The following ADORA2B variants were observed in gnomAD, a reference collection of about 807,000 sequenced individuals.
The protein encoded by ADORA2B is adenosine receptor A2b.
A neutral mutation model predicts 20.8 loss-of-function variants in ADORA2B; 18 were observed. The observed-to-expected ratio is 0.87, with a 90% confidence interval of 0.60 to 1.29. ADORA2B has a LOEUF of 1.29. ADORA2B is among the 50% of genes most tolerant of loss of function. The probability of loss-of-function intolerance (pLI) is 0.00; values close to 1 mark genes in which losing one functional copy is unlikely to be tolerated. For synonymous variants in ADORA2B, 179 were observed against 178.3 expected (o/e 1.00, Z -0.03); for missense variants, 441 against 422.7 (o/e 1.04, Z -0.38).
the ADORA2B span, among the ~76,000 whole-genome samples, chr17:15,876,648 C>G: frequency 6.6e-6 from 1 of 151,614 alleles, no homozygotes; most frequent in African/African-American, 2.4e-5. Flanking sequence ...GTTTTGTTTT[C>G]TGGGATTAAA....
chr17:15,940,293 C>T (rs545043122), upstream of ADORA2B, among the ~76,000 whole-genome samples: 6 of 152,318 alleles, frequency 3.9e-5, no homozygotes, highest in Admixed American at 3.9e-4. Context: ...TTGGCAAGAC[C>T]TACCCAACAG....
chr17:15,871,119 T>TG, the ADORA2B span, among the ~76,000 whole-genome samples: 15 of 152,232 alleles, frequency 9.9e-5, no homozygotes, highest in Non-Finnish European at 1.8e-4. Flanking sequence ...CAGTGTGCTT[T>TG]GGGGCACCCG....
At chr17:15,945,708 T>A in intron 1 of ADORA2B, 125 bp downstream of exon 1, 1 of 932,576 alleles carries the variant, frequency 1.1e-6, no homozygotes, top group Non-Finnish European at 1.6e-6. Flanking sequence ...CGCGGGGCGC[T>A]TGGAGGGCTG....
intron 1 of ADORA2B, among the ~76,000 whole-genome samples, chr17:15,950,465 A>G (rs1419136648): frequency 6.6e-6 from 1 of 152,200 alleles, no homozygotes; most frequent in Non-Finnish European, 1.5e-5. Context: ...CCCCCCTGGC[A>G]AACTCTGCCA....
intron 1 of ADORA2B, among the ~76,000 whole-genome samples, chr17:15,969,740 G>C (rs541472721): frequency 2.0e-5 from 3 of 152,226 alleles, no homozygotes; most frequent in Non-Finnish European, 4.4e-5. Context: ...AGCCGACGTT[G>C]TCTCGAGTCA....
chr17:15,943,810 T>C (rs908201829), upstream of ADORA2B, among the ~76,000 whole-genome samples: 2 of 152,224 alleles, frequency 1.3e-5, no homozygotes, highest in Admixed American at 1.3e-4. Context: ...ACCCCATGTT[T>C]TGATTTTTGC....
chr17:15,975,167 C>T lies in ADORA2B; in HGVS notation c.824C>T (p.Ala275Val), dbSNP rs367882605. 1 of 1,614,168 alleles carries T rather than the reference C, an allele frequency of 6.2e-7. No homozygotes were observed. The highest frequency in any genetic ancestry group is 8.5e-7 in the Non-Finnish European group (1 of 1,180,034). ...KNKPKWAMNM[A>V]ILLSHANSVV... Reference sequence around the variant, plus strand: ...AAGCCCAAGTGGGCAATGAATATGGCCATTCTTCTGTCACATGCCAATTCA... The same window carrying T: ...AAGCCCAAGTGGGCAATGAATATGGTCATTCTTCTGTCACATGCCAATTCA... Residue 275 changes from alanine to valine, a missense_variant, in exon 2 of 2, where the codon GCC becomes GTC. Ala to Val is a moderately conservative substitution (Grantham distance 64, BLOSUM62 0). Coordinates refer to ENST00000304222, the MANE Select transcript of ADORA2B (RefSeq NM_000676.4).
chr17:15,971,629 A>ATTT (rs34445090), intron 1 of ADORA2B, among the ~76,000 whole-genome samples: 32 of 127,928 alleles, frequency 2.5e-4, no homozygotes, highest in African/African-American at 3.9e-4. Flanking sequence ...TGTAATGGCC[A>ATTT]TTTTTTTTTT....
At chr17:15,902,247 G>C in the ADORA2B span, among the ~76,000 whole-genome samples, 12,700 of 150,566 alleles carry the variant, frequency 0.084, 1,503 homozygotes, top group African/African-American at 0.26. Context: ...GTCTCGCTCT[G>C]TCATTCCAGG....
chr17:15,901,002 G>A, the ADORA2B span, among the ~76,000 whole-genome samples: 6 of 152,170 alleles, frequency 3.9e-5, no homozygotes, highest in Non-Finnish European at 5.9e-5. Flanking sequence ...GTACCGGGCC[G>A]TTTAGTCCAT....
intron 1 of ADORA2B, 140 bp downstream of exon 1, chr17:15,945,723 C>T: frequency 1.3e-6 from 1 of 770,712 alleles, no homozygotes; most frequent in Non-Finnish European, 2.0e-6. Flanking sequence ...GGGCTGGTTC[C>T]CAGCCTGGCC....
chr17:15,964,577 T>C (rs1970078303), intron 1 of ADORA2B, among the ~76,000 whole-genome samples: 2 of 148,288 alleles, frequency 1.3e-5, no homozygotes, highest in African/African-American at 5.1e-5. Context: ...ACACTGCACC[T>C]TCATTCCAGT....
chr17:15,940,018 A>G, the ADORA2B span, among the ~76,000 whole-genome samples: 1 of 152,116 alleles, frequency 6.6e-6, no homozygotes, highest in East Asian at 1.9e-4. Context: ...TAACTTTCTC[A>G]TTTCAGATTT....
the ADORA2B span, among the ~76,000 whole-genome samples, chr17:15,869,334 A>G: frequency 6.7e-6 from 1 of 149,758 alleles, no homozygotes; most frequent in South Asian, 2.1e-4. Context: ...AATAATAATA[A>G]TAATAATTAT....
At chr17:15,959,468 TAC>T (rs1970008821) in intron 1 of ADORA2B, among the ~76,000 whole-genome samples, 1 of 151,272 alleles carries the variant, frequency 6.6e-6, no homozygotes, top group South Asian at 2.1e-4. Flanking sequence ...CACACACACA[TAC>T]ACTGGCACAA....
At chr17:15,929,553 C>CAGCAG in the ADORA2B span, among the ~76,000 whole-genome samples, 1 of 152,202 alleles carries the variant, frequency 6.6e-6, no homozygotes, top group Non-Finnish European at 1.5e-5. Flanking sequence ...CAAAAGTCAA[C>CAGCAG]CTGCTGCCCA....
chr17:15,946,109 C>T (rs967549446), intron 1 of ADORA2B, among the ~76,000 whole-genome samples: 1 of 152,206 alleles, frequency 6.6e-6, no homozygotes, highest in African/African-American at 2.4e-5. Context: ...AGAATGGACA[C>T]GCATGAGCCA....
rs115375705 is a variant in ADORA2B, at chr17:15,953,944, T to C, written c.335+8361T>C. Among the ~76,000 whole-genome samples the C allele has an allele frequency of 9.1e-3, 1,388 of 152,290 alleles. 26 individuals carry two copies. The highest frequency in any genetic ancestry group is 0.031 in the African/African-American group (1,300 of 41,560). ...TGGTGTATTGAACACATTTGCATTA[T>C]ACCATGACTTTTATGCTGTTAAGGT... On this transcript the variant is annotated intron_variant, in intron 1 of 1. Coordinates refer to ENST00000304222, the MANE Select transcript of ADORA2B (RefSeq NM_000676.4).
intron 1 of ADORA2B, among the ~76,000 whole-genome samples, chr17:15,973,527 G>C (rs989135357): frequency 6.6e-6 from 1 of 152,218 alleles, no homozygotes; most frequent in Non-Finnish European, 1.5e-5. Flanking sequence ...CACAGCAGAA[G>C]GTGAGCAGGC....
Sources: gnomAD v4.1 joint callset for allele counts (sites outside exome capture counted in the v4.1 genomes callset) on GRCh38, gnomAD v4.1.1 for gene constraint, MANE v1.5 for transcripts, NCBI Gene and HGNC (gene_info 2026-07-23, HGNC 2026-07-21) for gene names.